The following GALNTL6 variants were observed in gnomAD, a reference collection of about 807,000 sequenced individuals.
The protein encoded by GALNTL6 is polypeptide N-acetylgalactosaminyltransferase like 6, also known as polypeptide N-acetylgalactosaminyltransferase-like 6.
A neutral mutation model predicts 73.7 loss-of-function variants in GALNTL6; 46 were observed. The ratio of observed to expected loss-of-function variants is 0.62; its 90% confidence interval spans 0.49 to 0.80. The LOEUF (loss-of-function observed/expected upper bound fraction) is 0.80, where lower values mean the gene tolerates loss of function less well. Ranked by LOEUF, GALNTL6 falls within the 30% of genes least tolerant of loss-of-function variation. The probability of loss-of-function intolerance (pLI) is 0.00; values close to 1 mark genes in which losing one functional copy is unlikely to be tolerated. For missense variants in GALNTL6, 604 were observed against 755.0 expected (o/e 0.80, Z 2.34); for synonymous variants, 259 against 263.7 (o/e 0.98, Z 0.17).
intron 4 of GALNTL6, among the ~76,000 whole-genome samples, chr4:172,329,490 G>A: frequency 6.6e-6 from 1 of 152,170 alleles, no homozygotes; most frequent in Non-Finnish European, 1.5e-5. Context: ...AAAGAGCAAA[G>A]ATGGCTGCCT....
At chr4:172,427,444 G>A (rs1212069132) in intron 5 of GALNTL6, among the ~76,000 whole-genome samples, 1 of 152,086 alleles carries the variant, frequency 6.6e-6, no homozygotes, top group African/African-American at 2.4e-5. Context: ...CCTTACCAGG[G>A]CATGTGGGGA....
At chr4:171,972,803 C>G (rs1739609752) in intron 2 of GALNTL6, among the ~76,000 whole-genome samples, 1 of 152,016 alleles carries the variant, frequency 6.6e-6, no homozygotes, top group Non-Finnish European at 1.5e-5. Flanking sequence ...TCATGTAATT[C>G]TAGAAGCTCA....
At chr4:172,448,138 C>T (rs1732092990) in intron 5 of GALNTL6, among the ~76,000 whole-genome samples, 1 of 152,144 alleles carries the variant, frequency 6.6e-6, no homozygotes, top group Non-Finnish European at 1.5e-5. Flanking sequence ...AGGAATAGAG[C>T]CAGCGCTACT....
At chr4:172,264,553 CAAATATATATATATATAT>C (rs1738372215) in intron 3 of GALNTL6, among the ~76,000 whole-genome samples, 1 of 25,816 alleles carries the variant, frequency 3.9e-5, no homozygotes, top group African/African-American at 1.3e-4. Flanking sequence ...TAATATATGC[CAAATATATATATATATAT>C]ATATATATAT....
At chr4:172,723,563 CT>C (rs955381129) in intron 5 of GALNTL6, among the ~76,000 whole-genome samples, 95 of 151,622 alleles carry the variant, frequency 6.3e-4, no homozygotes, top group African/African-American at 2.1e-3. Flanking sequence ...TCCTAGCACA[CT>C]TTTTTTTTCT....
At chr4:172,117,247 A>G (rs577651655) in intron 2 of GALNTL6, among the ~76,000 whole-genome samples, 1 of 152,312 alleles carries the variant, frequency 6.6e-6, no homozygotes, top group East Asian at 1.9e-4. Flanking sequence ...CCAGCTGAAA[A>G]TGACAGTGAA....
At chr4:172,126,790 G>A (rs2111009516) in intron 2 of GALNTL6, among the ~76,000 whole-genome samples, 1 of 152,218 alleles carries the variant, frequency 6.6e-6, no homozygotes, top group Non-Finnish European at 1.5e-5. Context: ...GCCCCCACCA[G>A]AAGGTACCCT....
At chr4:172,252,301 A>T (rs574313148) in intron 3 of GALNTL6, among the ~76,000 whole-genome samples, 277 of 152,198 alleles carry the variant, frequency 1.8e-3, no homozygotes, top group African/African-American at 6.1e-3. Context: ...GAAATAAATT[A>T]TGTGTAAAGG....
chr4:172,346,991 T>TCTTTC, intron 4 of GALNTL6, among the ~76,000 whole-genome samples: 1 of 143,960 alleles, frequency 6.9e-6, no homozygotes, highest in Non-Finnish European at 1.5e-5. Context: ...TTTCTTTCTT[T>TCTTTC]TTTTTTTTTT....
chr4:171,968,848 G>T (rs866970572), intron 2 of GALNTL6, among the ~76,000 whole-genome samples: 7 of 150,376 alleles, frequency 4.7e-5, no homozygotes, highest in African/African-American at 7.4e-5. Context: ...GGGTGGGGGG[G>T]GGGTTGGGGA....
At chr4:172,181,399 C>T (rs539146719) in intron 2 of GALNTL6, among the ~76,000 whole-genome samples, 14 of 152,180 alleles carry the variant, frequency 9.2e-5, no homozygotes, top group East Asian at 1.9e-4. Context: ...AAAATGCCTT[C>T]GACAAAATTC....
At chr4:172,459,982 A>G (rs555569838) in intron 5 of GALNTL6, among the ~76,000 whole-genome samples, 1 of 152,348 alleles carries the variant, frequency 6.6e-6, no homozygotes, top group East Asian at 1.9e-4. Flanking sequence ...AGTCTATAGT[A>G]ACAAAAACAG....
At chr4:171,908,558 A>G (rs2110957576) in intron 2 of GALNTL6, among the ~76,000 whole-genome samples, 1 of 152,074 alleles carries the variant, frequency 6.6e-6, no homozygotes, top group African/African-American at 2.4e-5. Flanking sequence ...ACTGTAAACT[A>G]GTTCAACCAT....
At chr4:172,401,480 T>A (rs1241941893) in intron 5 of GALNTL6, among the ~76,000 whole-genome samples, 1 of 152,182 alleles carries the variant, frequency 6.6e-6, no homozygotes, top group African/African-American at 2.4e-5. Flanking sequence ...CATCTTATTT[T>A]AACCTTCTAA....
chr4:172,862,306 C>A (rs1744433460), intron 7 of GALNTL6, among the ~76,000 whole-genome samples: 2 of 152,106 alleles, frequency 1.3e-5, no homozygotes, highest in African/African-American at 4.8e-5. Flanking sequence ...TAGCCCCTGC[C>A]CCAGAGGTCT....
At chr4:171,884,965 G>A (rs1736566658) in intron 2 of GALNTL6, among the ~76,000 whole-genome samples, 1 of 151,906 alleles carries the variant, frequency 6.6e-6, no homozygotes, top group African/African-American at 2.4e-5. Context: ...GCTGAGGCAG[G>A]AGAATTGCTT....
chr4:172,118,969 C>T (rs1013222462), intron 2 of GALNTL6, among the ~76,000 whole-genome samples: 1 of 151,208 alleles, frequency 6.6e-6, no homozygotes, highest in African/African-American at 2.4e-5. Flanking sequence ...ATAGATAAAG[C>T]CTTTTTTTTT....
At chr4:172,127,381 T>C (rs568543747) in intron 2 of GALNTL6, among the ~76,000 whole-genome samples, 19 of 152,276 alleles carry the variant, frequency 1.2e-4, no homozygotes, top group African/African-American at 3.4e-4. Flanking sequence ...ACTACCACCA[T>C]AGCAGGCACA....
chr4:172,372,806 C>T (rs556177622), intron 5 of GALNTL6, among the ~76,000 whole-genome samples: 21 of 152,134 alleles, frequency 1.4e-4, no homozygotes, highest in South Asian at 6.2e-4. Flanking sequence ...TCGCTGTATC[C>T]GGGGATCCAT....
Sources: allele counts gnomAD v4.1 joint callset (sites outside exome capture counted in the v4.1 genomes callset), GRCh38; gene constraint gnomAD v4.1.1; transcripts MANE v1.5; gene names NCBI Gene and HGNC (gene_info 2026-07-23, HGNC 2026-07-21).